The following PRKD1 variants were observed in gnomAD, a reference collection of about 807,000 sequenced individuals.
PRKD1 encodes the protein serine/threonine-protein kinase D1.
In PRKD1, 63 loss-of-function variants were observed where a neutral mutation model predicts 95.9. The observed-to-expected ratio is 0.66, with a 90% CI of 0.54 to 0.81. The LOEUF is 0.81. Among genes scored for constraint, PRKD1 ranks in the 30% least tolerant of loss-of-function variants. The pLI, the probability that PRKD1 is intolerant of heterozygous loss-of-function variation, is 0.00. For synonymous variants in PRKD1, 425 were observed against 423.1 expected (o/e 1.00, Z -0.05); for missense variants, 1,048 against 1,165.3 (o/e 0.90, Z 1.47).
chr14:29,598,217 A>T (rs1893380896), intron 15 of PRKD1, among the ~76,000 whole-genome samples: 2 of 151,932 alleles, frequency 1.3e-5, no homozygotes, highest in Non-Finnish European at 2.9e-5. Flanking sequence ...CAGAGGTTGC[A>T]GTGAGCTGAG....
intron 1 of PRKD1, among the ~76,000 whole-genome samples, chr14:29,888,049 C>A (rs1338152575): frequency 6.6e-6 from 1 of 152,110 alleles, no homozygotes; most frequent in Non-Finnish European, 1.5e-5. Context: ...ACCTTTAATT[C>A]CAGCTCTTTG....
At chr14:29,592,636 A>G (rs1481137722) in intron 16 of PRKD1, 2 of 152,186 alleles carry the variant, frequency 1.3e-5, no homozygotes, top group Non-Finnish European at 2.9e-5. Context: ...CAATATTTAA[A>G]CTAATATAGA....
chr14:29,680,210 T>A (rs998699022), intron 2 of PRKD1, among the ~76,000 whole-genome samples: 1 of 152,132 alleles, frequency 6.6e-6, no homozygotes, highest in African/African-American at 2.4e-5. Flanking sequence ...AGAGCACATG[T>A]AACATGTGCA....
intron 6 of PRKD1, among the ~76,000 whole-genome samples, chr14:29,638,070 A>G (rs1474324245): frequency 1.3e-5 from 2 of 152,176 alleles, no homozygotes; most frequent in African/African-American, 4.8e-5. Context: ...AATACAGAAA[A>G]TACATCTATT....
chr14:29,770,930 C>CAAAAAAAAAAAAAAAAAAAAAAGAAA (rs753745571), intron 1 of PRKD1, among the ~76,000 whole-genome samples: 3 of 47,154 alleles, frequency 6.4e-5, no homozygotes, highest in Non-Finnish European at 1.6e-4. Flanking sequence ...AGACACTGTC[C>CAAAAAAAAAAAAAAAAAAAAAAGAAA]AAAAAAAAAA....
intron 1 of PRKD1, among the ~76,000 whole-genome samples, chr14:29,782,422 G>C (rs1184707808): frequency 6.6e-6 from 1 of 152,120 alleles, no homozygotes; most frequent in Admixed American, 6.5e-5. Context: ...TTTTACATTA[G>C]ATAAGATAAA....
At chr14:29,667,662 A>G (rs1447269414) in intron 2 of PRKD1, among the ~76,000 whole-genome samples, 1 of 152,200 alleles carries the variant, frequency 6.6e-6, no homozygotes, top group Non-Finnish European at 1.5e-5. Flanking sequence ...TATCAAAGAA[A>G]ATAATTAAAG....
At chr14:29,615,901 G>A (rs114610139) in intron 13 of PRKD1, among the ~76,000 whole-genome samples, 4 of 152,256 alleles carry the variant, frequency 2.6e-5, no homozygotes, top group South Asian at 2.1e-4. Flanking sequence ...TTAGGGTTAC[G>A]TGTTTGGCTT....
At chr14:29,749,966 G>A (rs556687221) in intron 1 of PRKD1, among the ~76,000 whole-genome samples, 34 of 152,264 alleles carry the variant, frequency 2.2e-4, no homozygotes, top group African/African-American at 7.7e-4. Context: ...ATGTGTTCAA[G>A]ATTATAATAA....
chr14:29,670,167 A>G (rs1367462096), intron 2 of PRKD1, among the ~76,000 whole-genome samples: 1 of 152,230 alleles, frequency 6.6e-6, no homozygotes, highest in Non-Finnish European at 1.5e-5. Context: ...AACATAGTTT[A>G]TGTTATGTGT....
intron 1 of PRKD1, among the ~76,000 whole-genome samples, chr14:29,820,365 T>C (rs1416480843): frequency 6.6e-6 from 1 of 152,162 alleles, no homozygotes; most frequent in African/African-American, 2.4e-5. Flanking sequence ...TAAAATAGAA[T>C]CTATGAAATG....
chr14:29,647,749 G>C (rs1402543577), intron 4 of PRKD1, among the ~76,000 whole-genome samples: 1 of 152,224 alleles, frequency 6.6e-6, no homozygotes, highest in African/African-American at 2.4e-5. Context: ...TAACTTTATA[G>C]TGTTGCAGGA....
chr14:29,910,502 A>G (rs1211703688), intron 1 of PRKD1, among the ~76,000 whole-genome samples: 1 of 152,178 alleles, frequency 6.6e-6, no homozygotes, highest in African/African-American at 2.4e-5. Context: ...AGCCCTAGAG[A>G]CTGCCAACAT....
chr14:29,676,249 C>T (rs1594418617), intron 2 of PRKD1, among the ~76,000 whole-genome samples: 1 of 128,416 alleles, frequency 7.8e-6, no homozygotes, highest in South Asian at 2.7e-4. Flanking sequence ...CTCATCCATT[C>T]ACCAGCTGAA....
intron 1 of PRKD1, among the ~76,000 whole-genome samples, chr14:29,747,196 C>A (rs1887264748): frequency 6.6e-6 from 1 of 151,920 alleles, no homozygotes; most frequent in Non-Finnish European, 1.5e-5. Flanking sequence ...AATATATACA[C>A]CTCCCACGTA....
chr14:29,669,487 T>C (rs1466536834), intron 2 of PRKD1, among the ~76,000 whole-genome samples: 2 of 151,988 alleles, frequency 1.3e-5, no homozygotes, highest in African/African-American at 4.8e-5. Context: ...ATATTGAAAA[T>C]AGTTTCTGGA....
chr14:29,866,318 A>G (rs1892906144), intron 1 of PRKD1, among the ~76,000 whole-genome samples: 1 of 152,248 alleles, frequency 6.6e-6, no homozygotes, highest in South Asian at 2.1e-4. Flanking sequence ...TCAAATGGTT[A>G]ATTTCTTAAT....
At chr14:29,902,329 A>T (rs1160168503) in intron 1 of PRKD1, among the ~76,000 whole-genome samples, 2 of 152,138 alleles carry the variant, frequency 1.3e-5, no homozygotes, top group Admixed American at 6.5e-5. Flanking sequence ...AATACTGTAC[A>T]TTATTTTTGT....
At chr14:29,690,735 C>T (rs1221993959) in intron 2 of PRKD1, among the ~76,000 whole-genome samples, 1 of 152,220 alleles carries the variant, frequency 6.6e-6, no homozygotes, top group Non-Finnish European at 1.5e-5. Flanking sequence ...TGGGACTCCT[C>T]TCTCCAGCAC....
Sources: allele counts gnomAD v4.1 joint callset (sites outside exome capture counted in the v4.1 genomes callset), GRCh38; gene constraint gnomAD v4.1.1; transcripts MANE v1.5; gene names NCBI Gene and HGNC (gene_info 2026-07-23, HGNC 2026-07-21).